Variants in PLXNA4 observed in about 807,000 individuals in gnomAD.
The protein encoded by PLXNA4 is plexin-A4.
A neutral mutation model predicts 191.8 loss-of-function variants in PLXNA4; 44 were observed. The ratio of observed to expected loss-of-function variants is 0.23; its 90% CI spans 0.18 to 0.29. The LOEUF (loss-of-function observed/expected upper bound fraction) is 0.29, where lower values mean the gene tolerates loss of function less well. Ranked by LOEUF, PLXNA4 falls within the 10% of genes least tolerant of loss-of-function variation. PLXNA4 has a pLI of 1.00. For synonymous variants in PLXNA4, 1,082 were observed against 1,009.5 expected (o/e 1.07, Z -1.36); for missense variants, 1,800 against 2,488.8 (o/e 0.72, Z 5.89).
At chr7:132,503,700 G>A (rs948971188) in intron 2 of PLXNA4, among the ~76,000 whole-genome samples, 2 of 152,204 alleles carry the variant, frequency 1.3e-5, no homozygotes, top group African/African-American at 4.8e-5. Context: ...CACAGAAACT[G>A]AGAAATGAAA....
At chr7:132,484,369 T>C (rs1223947828) in intron 3 of PLXNA4, among the ~76,000 whole-genome samples, 1 of 152,234 alleles carries the variant, frequency 6.6e-6, no homozygotes, top group Non-Finnish European at 1.5e-5. Flanking sequence ...GGTGGCACGC[T>C]GGCACACCTG....
At chr7:132,187,333 C>T (rs1796912918) in intron 15 of PLXNA4, 138 bp downstream of exon 15, 1 of 1,380,454 alleles carries the variant, frequency 7.2e-7, no homozygotes, top group Non-Finnish European at 9.7e-7. Context: ...TTGGCTCTAT[C>T]TGTGCAGCTG....
chr7:132,578,943 A>T (rs1419144894), upstream of PLXNA4, among the ~76,000 whole-genome samples: 1 of 152,210 alleles, frequency 6.6e-6, no homozygotes, highest in Admixed American at 6.5e-5. Context: ...CACACATAAC[A>T]AAATCACTCA....
chr7:132,514,665 G>A (rs545615372), intron 1 of PLXNA4, among the ~76,000 whole-genome samples: 3 of 152,270 alleles, frequency 2.0e-5, no homozygotes. Flanking sequence ...AACTCCACCA[G>A]CAGATGGCCT....
intron 9 of PLXNA4, among the ~76,000 whole-genome samples, chr7:132,222,017 C>T (rs1798161434): frequency 6.6e-6 from 1 of 152,182 alleles, no homozygotes; most frequent in Non-Finnish European, 1.5e-5. Flanking sequence ...GTGGAGGCTT[C>T]CAAAGGCCCC....
intron 20 of PLXNA4, among the ~76,000 whole-genome samples, chr7:132,175,923 A>AAAAT (rs1796442016): frequency 6.6e-6 from 1 of 152,232 alleles, no homozygotes; most frequent in African/African-American, 2.4e-5. Flanking sequence ...CATAATCTCA[A>AAAAT]AAATAGGGAG....
At chr7:132,534,062 C>T (rs1799733709) in intron 1 of PLXNA4, among the ~76,000 whole-genome samples, 1 of 152,150 alleles carries the variant, frequency 6.6e-6, no homozygotes, top group South Asian at 2.1e-4. Context: ...TTTATGAGAA[C>T]TCCCAAGGCC....
intron 10 of PLXNA4, among the ~76,000 whole-genome samples, chr7:132,208,190 A>T (rs576634459): frequency 2.7e-4 from 41 of 152,190 alleles, no homozygotes; most frequent in Non-Finnish European, 5.3e-4. Flanking sequence ...ACTGCCCCCC[A>T]TGAAAAGAGA....
In PLXNA4 at chr7:132,164,029, A is replaced by G. The variant is rs986304341; in HGVS notation, c.4500+113T>C. 1.3e-5 allele frequency: 19 copies of G among 1,496,146 alleles called. No homozygotes were observed. In the African/African-American group the frequency reaches 1.7e-4, roughly 13 times the overall value. The allele number at this position is 1,496,146 out of a possible 1,614,324, so 92.7% of individuals were successfully genotyped here. Reference sequence around the variant, plus strand: ...ACCTGGCTGGGCCCACACAGCAGACACACCTGGAGAGGCAGCTGTTCAGCC... The same window carrying G: ...ACCTGGCTGGGCCCACACAGCAGACGCACCTGGAGAGGCAGCTGTTCAGCC... On this transcript the variant is annotated intron_variant, in intron 24 of 31. Coordinates refer to ENST00000321063, the MANE Select transcript of PLXNA4 (RefSeq NM_020911.2).
intron 29 of PLXNA4, among the ~76,000 whole-genome samples, chr7:132,141,292 C>T (rs1356025840): frequency 1.3e-5 from 2 of 152,182 alleles, no homozygotes; most frequent in African/African-American, 4.8e-5. Context: ...TCACACCCTT[C>T]CTCCCTGCCT....
chr7:132,387,291 T>C (rs1043782354), intron 3 of PLXNA4, among the ~76,000 whole-genome samples: 1 of 152,260 alleles, frequency 6.6e-6, no homozygotes, highest in Non-Finnish European at 1.5e-5. Context: ...AGGCAATTTG[T>C]ATGCATGTGA....
chr7:132,333,608 G>T (rs1410882633), intron 3 of PLXNA4, among the ~76,000 whole-genome samples: 1 of 152,204 alleles, frequency 6.6e-6, no homozygotes, highest in African/African-American at 2.4e-5. Flanking sequence ...CCACTGTGGG[G>T]TGCAATCCAG....
intron 2 of PLXNA4, among the ~76,000 whole-genome samples, chr7:132,612,389 G>T (rs753143247): frequency 6.6e-6 from 1 of 152,158 alleles, no homozygotes; most frequent in South Asian, 2.1e-4. Flanking sequence ...GGCCAGGCGC[G>T]GTGGCTCATG....
intron 3 of PLXNA4, among the ~76,000 whole-genome samples, chr7:132,332,876 A>G (rs1467542777): frequency 1.3e-5 from 2 of 151,966 alleles, no homozygotes; most frequent in Non-Finnish European, 2.9e-5. Flanking sequence ...AGAAAAAAAA[A>G]AAAAAGGACA....
intron 4 of PLXNA4, among the ~76,000 whole-genome samples, chr7:132,267,362 G>A (rs1484847898): frequency 6.6e-6 from 1 of 152,194 alleles, no homozygotes; most frequent in Non-Finnish European, 1.5e-5. Flanking sequence ...CAACCACACA[G>A]TCGCAAAGCC....
chr7:132,635,512 A>G (rs1466400747), intron 2 of PLXNA4, among the ~76,000 whole-genome samples: 4 of 152,142 alleles, frequency 2.6e-5, no homozygotes, highest in African/African-American at 9.7e-5. Flanking sequence ...AAGAGATAGA[A>G]CACACGATGT....
In PLXNA4 at chr7:132,240,428, G is replaced by C. The variant is rs7786321; in HGVS notation, c.1604+638C>G. ...AATAAAATGGAGCCACACAAAAGGA[G>C]GCACATTGGCAAGAGGCCAGCACTC... On this transcript the variant is annotated intron_variant, in intron 5 of 31. Coordinates refer to ENST00000321063, the MANE Select transcript of PLXNA4 (RefSeq NM_020911.2). 9.2e-3 allele frequency among the ~76,000 whole-genome samples: 1,404 copies of C among 152,284 alleles called. 20 individuals carry two copies. Among genetic ancestry groups the C allele is most frequent in the African/African-American group, 0.031 (1,300 of 41,546 alleles).
intron 3 of PLXNA4, among the ~76,000 whole-genome samples, chr7:132,485,317 T>A (rs1797512296): frequency 6.6e-6 from 1 of 152,098 alleles, no homozygotes; most frequent in South Asian, 2.1e-4. Flanking sequence ...AGCAAAAACA[T>A]CCAGGGAAGA....
intron 2 of PLXNA4, among the ~76,000 whole-genome samples, chr7:132,492,741 C>T (rs954903242): frequency 6.6e-6 from 1 of 152,136 alleles, no homozygotes; most frequent in African/African-American, 2.4e-5. Flanking sequence ...TTCCCAATTG[C>T]ACAACTTGCT....
Sources: allele counts gnomAD v4.1 joint callset (sites outside exome capture counted in the v4.1 genomes callset), GRCh38; gene constraint gnomAD v4.1.1; transcripts MANE v1.5; gene names NCBI Gene and HGNC (gene_info 2026-07-23, HGNC 2026-07-21).